The following ATG10 variants were observed in gnomAD, a reference collection of about 807,000 sequenced individuals.
ATG10 encodes autophagy related 10.
A neutral mutation model predicts 32.1 loss-of-function variants in ATG10; 30 were observed. The observed-to-expected ratio is 0.94, with a 90% CI of 0.70 to 1.27. ATG10 has a LOEUF of 1.27. ATG10 is among the 50% of genes most tolerant of loss of function. ATG10 has a pLI of 0.00. For missense variants in ATG10, 233 were observed against 262.3 expected, an observed-to-expected ratio of 0.89 and a Z score of 0.77; for synonymous variants, 87 against 91.5, an observed-to-expected ratio of 0.95 and a Z score of 0.28.
chr5:82,151,182 G>A (rs959755089), intron 3 of ATG10, among the ~76,000 whole-genome samples: 2 of 152,104 alleles, frequency 1.3e-5, no homozygotes, highest in African/African-American at 4.8e-5. Flanking sequence ...GTGAAAGTTA[G>A]GCTCTACTAA....
chr5:82,248,108 C>A (rs1017928580), intron 5 of ATG10, among the ~76,000 whole-genome samples: 1 of 152,126 alleles, frequency 6.6e-6, no homozygotes, highest in African/African-American at 2.4e-5. Flanking sequence ...CTCTTACTTC[C>A]TATCAGGCCT....
chr5:82,063,038 G>A (rs1763832286), intron 3 of ATG10, among the ~76,000 whole-genome samples: 1 of 151,988 alleles, frequency 6.6e-6, no homozygotes, highest in Admixed American at 6.6e-5. Context: ...ACCTCAGATG[G>A]CCAGGTATGG....
At chr5:82,235,693 C>G (rs955708105) in intron 5 of ATG10, among the ~76,000 whole-genome samples, 11 of 152,296 alleles carry the variant, frequency 7.2e-5, no homozygotes, top group African/African-American at 2.6e-4. Flanking sequence ...ACTGACAGCA[C>G]CTCCTGTCAG....
At chr5:82,045,244 A>G (rs1763199489) in intron 2 of ATG10, among the ~76,000 whole-genome samples, 1 of 152,182 alleles carries the variant, frequency 6.6e-6, no homozygotes, top group Non-Finnish European at 1.5e-5. Flanking sequence ...GGCCAAAGAA[A>G]CACTTAATAC....
chr5:82,244,252 AAGG>A (rs2150022789), intron 5 of ATG10, among the ~76,000 whole-genome samples: 1 of 152,248 alleles, frequency 6.6e-6, no homozygotes, highest in Non-Finnish European at 1.5e-5. Flanking sequence ...TAGATTTTTG[AAGG>A]AGTAGACTAG....
At chr5:81,983,098 C>T (rs1391847064) in intron 1 of ATG10, among the ~76,000 whole-genome samples, 2 of 152,052 alleles carry the variant, frequency 1.3e-5, no homozygotes, top group African/African-American at 4.8e-5. Flanking sequence ...GGTGGCCAGG[C>T]AGAGGGGCTC....
At chr5:82,117,530 C>T (rs1015882814) in intron 3 of ATG10, among the ~76,000 whole-genome samples, 1 of 152,080 alleles carries the variant, frequency 6.6e-6, no homozygotes, top group East Asian at 1.9e-4. Flanking sequence ...TGGTACTGAT[C>T]CATTTTAGAT....
intron 5 of ATG10, among the ~76,000 whole-genome samples, chr5:82,249,223 G>T (rs1408784511): frequency 6.6e-6 from 1 of 151,930 alleles, no homozygotes; most frequent in Admixed American, 6.6e-5. Flanking sequence ...TCATTAATTT[G>T]GTTTTAAACC....
At chr5:82,196,827 AG>A (rs1561351950) in intron 5 of ATG10, among the ~76,000 whole-genome samples, 2 of 152,182 alleles carry the variant, frequency 1.3e-5, no homozygotes, top group Non-Finnish European at 2.9e-5. Flanking sequence ...GGGAAACGTA[AG>A]CCCACCAACT....
At chr5:82,010,058 G>A (rs1762087222) in intron 2 of ATG10, 16 of 1,610,546 alleles carry the variant, frequency 9.9e-6, no homozygotes, top group Non-Finnish European at 1.1e-5. Context: ...GCTCGCCATC[G>A]ACGGCAATGT....
chr5:82,173,031 A>G (rs2149913832), intron 4 of ATG10, among the ~76,000 whole-genome samples: 1 of 152,328 alleles, frequency 6.6e-6, no homozygotes, highest in Middle Eastern at 3.4e-3. Flanking sequence ...AAGACAATAT[A>G]TTGAATAATG....
At chr5:82,026,609 T>C (rs1267151420) in intron 2 of ATG10, among the ~76,000 whole-genome samples, 1 of 152,202 alleles carries the variant, frequency 6.6e-6, no homozygotes, top group Non-Finnish European at 1.5e-5. Flanking sequence ...TTGCCTTTGG[T>C]GTTAATAATT....
intron 3 of ATG10, among the ~76,000 whole-genome samples, chr5:82,062,684 C>A (rs1763823340): frequency 6.6e-6 from 1 of 152,130 alleles, no homozygotes; most frequent in Admixed American, 6.5e-5. Context: ...TCCTTTCTTT[C>A]CATATTCTAT....
chr5:82,094,282 AG>A (rs1408627907), intron 3 of ATG10, among the ~76,000 whole-genome samples: 1 of 152,086 alleles, frequency 6.6e-6, no homozygotes, highest in East Asian at 1.9e-4. Flanking sequence ...TATTTTGTAC[AG>A]TTTTTTAGTT....
intron 2 of ATG10, among the ~76,000 whole-genome samples, chr5:82,040,026 C>T (rs1250370023): frequency 1.3e-5 from 2 of 152,120 alleles, no homozygotes; most frequent in Non-Finnish European, 1.5e-5. Flanking sequence ...TTTATGTGGT[C>T]TCTTCAGCAG....
At chr5:82,110,241 G>A (rs1167634619) in intron 3 of ATG10, among the ~76,000 whole-genome samples, 2 of 151,968 alleles carry the variant, frequency 1.3e-5, no homozygotes, top group African/African-American at 2.4e-5. Flanking sequence ...GCTATTGTGA[G>A]TAGTGCCACA....
intron 2 of ATG10, among the ~76,000 whole-genome samples, chr5:82,036,991 C>T (rs1198537491): frequency 6.6e-6 from 1 of 150,744 alleles, no homozygotes; most frequent in Non-Finnish European, 1.5e-5. Context: ...ATTAGCTGGG[C>T]GTGGTGGTGT....
chr5:82,040,496 A>C (rs1015172067), intron 2 of ATG10, among the ~76,000 whole-genome samples: 1 of 152,240 alleles, frequency 6.6e-6, no homozygotes, highest in African/African-American at 2.4e-5. Flanking sequence ...TCAATATTTG[A>C]CTAAAAATTG....
intron 5 of ATG10, among the ~76,000 whole-genome samples, chr5:82,215,175 C>T (rs996120723): frequency 6.6e-6 from 1 of 152,162 alleles, no homozygotes; most frequent in Non-Finnish European, 1.5e-5. Context: ...CTCAGTTCCT[C>T]ACAGGCTCTT....
Sources: gnomAD v4.1 joint callset for allele counts (sites outside exome capture counted in the v4.1 genomes callset) on GRCh38, gnomAD v4.1.1 for gene constraint, MANE v1.5 for transcripts, NCBI Gene and HGNC (gene_info 2026-07-23, HGNC 2026-07-21) for gene names.